Variants in XPO4 observed in about 807,000 individuals in gnomAD.
XPO4 encodes the protein exportin 4, also known as exportin-4.
In XPO4, 39 loss-of-function variants were observed where a neutral mutation model predicts 143.0. The ratio of observed to expected loss-of-function variants is 0.27; its 90% CI spans 0.21 to 0.36. The LOEUF (loss-of-function observed/expected upper bound fraction) is 0.36. XPO4 is among the 10% of genes least tolerant of loss of function. The pLI, the probability that XPO4 is intolerant of heterozygous loss-of-function variation, is 1.00. For synonymous variants in XPO4, 439 were observed against 474.0 expected (o/e 0.93, Z 0.96); for missense variants, 907 against 1,348.0 (o/e 0.67, Z 5.12).
At chr13:20,828,639 C>T (rs1259726534) in intron 6 of XPO4, among the ~76,000 whole-genome samples, 1 of 152,192 alleles carries the variant, frequency 6.6e-6, no homozygotes, top group African/African-American at 2.4e-5. Context: ...TTCTGCAACT[C>T]TATTCGACTG....
At chr13:20,878,500 A>G (rs2138153063) in intron 1 of XPO4, among the ~76,000 whole-genome samples, 1 of 152,368 alleles carries the variant, frequency 6.6e-6, no homozygotes, top group Middle Eastern at 3.4e-3. Context: ...AAGCCAGTAA[A>G]AATTGAACTA....
chr13:20,785,685 G>A (rs2059191604), intron 22 of XPO4, among the ~76,000 whole-genome samples: 3 of 150,986 alleles, frequency 2.0e-5, no homozygotes, highest in South Asian at 2.1e-4. Context: ...AAAAAAAAGC[G>A]AGATAGTAGA....
chr13:20,837,238 G>A (rs1468768741), intron 6 of XPO4, among the ~76,000 whole-genome samples: 1 of 152,146 alleles, frequency 6.6e-6, no homozygotes, highest in African/African-American at 2.4e-5. Context: ...TGTTTAGGAT[G>A]TTTAGCAGCA....
chr13:20,897,380 C>G (rs1368110322), intron 1 of XPO4, among the ~76,000 whole-genome samples: 1 of 152,134 alleles, frequency 6.6e-6, no homozygotes, highest in Non-Finnish European at 1.5e-5. Flanking sequence ...TATATCTCCA[C>G]CTGGGATATT....
intron 3 of XPO4, among the ~76,000 whole-genome samples, chr13:20,860,145 G>C (rs2060183579): frequency 6.6e-6 from 1 of 152,120 alleles, no homozygotes; most frequent in East Asian, 1.9e-4. Flanking sequence ...ATATGAGATG[G>C]GTACCAAGTC....
chr13:20,831,490 CA>C (rs2059851369), intron 6 of XPO4, among the ~76,000 whole-genome samples: 2 of 152,080 alleles, frequency 1.3e-5, no homozygotes, highest in Non-Finnish European at 1.5e-5. Flanking sequence ...ACACAAGTCA[CA>C]AAAGATTGGA....
chr13:20,831,437 A>G (rs2059850793), intron 6 of XPO4, among the ~76,000 whole-genome samples: 1 of 152,196 alleles, frequency 6.6e-6, no homozygotes, highest in South Asian at 2.1e-4. Context: ...CTGATTATTT[A>G]CTAAACTGTC....
Position 20,783,433 on chromosome 13 carries a change from GTGCCCATA to G in XPO4, c.*281_*288del. 2.5e-6 allele frequency: 1 copy of G among 397,496 alleles called. No homozygotes were observed. The allele number at this position is 397,496 out of a possible 1,614,324, so 24.6% of individuals were successfully genotyped here. Reference sequence around the variant, plus strand: ...AAAGGCACTGCATATGTATTTCGTGGTGCCCATATCTGTTTGCACATATATGGAATTTC... The same window carrying G: ...AAAGGCACTGCATATGTATTTCGTGGTCTGTTTGCACATATATGGAATTTC... On this transcript the variant is annotated 3_prime_UTR_variant, in exon 23 of 23. Transcript: ENST00000255305.
At chr13:20,881,561 C>T (rs757352340) in intron 1 of XPO4, among the ~76,000 whole-genome samples, 3 of 152,120 alleles carry the variant, frequency 2.0e-5, no homozygotes, top group Admixed American at 6.5e-5. Flanking sequence ...TGAGCCACCA[C>T]ATCCAGCCAA....
At chr13:20,891,081 C>A (rs1399937542) in intron 1 of XPO4, among the ~76,000 whole-genome samples, 1 of 142,330 alleles carries the variant, frequency 7.0e-6, no homozygotes, top group Non-Finnish European at 1.5e-5. Context: ...CAAGCCATTG[C>A]ACTCCAGCCT....
chr13:20,843,481 T>A (rs894104014), intron 5 of XPO4, among the ~76,000 whole-genome samples: 6 of 152,162 alleles, frequency 3.9e-5, no homozygotes, highest in African/African-American at 1.4e-4. Context: ...GCCAGCAGAG[T>A]CCCTTCAATT....
intron 1 of XPO4, among the ~76,000 whole-genome samples, chr13:20,879,658 T>C (rs529474040): frequency 6.6e-6 from 1 of 152,110 alleles, no homozygotes; most frequent in African/African-American, 2.4e-5. Context: ...CTCACAAATA[T>C]TGGAAATGTT....
intron 1 of XPO4, among the ~76,000 whole-genome samples, chr13:20,894,361 C>T (rs1183569992): frequency 6.6e-6 from 1 of 152,064 alleles, no homozygotes; most frequent in Non-Finnish European, 1.5e-5. Flanking sequence ...TATTTATTCA[C>T]AAGGTTATAT....
At position 20,862,840 on chromosome 13, in the gene XPO4, T is replaced by C. The variant is rs1269932843; in HGVS notation, c.194A>G (p.Tyr65Cys). The C allele has an allele frequency of 1.9e-6, 3 of 1,614,064 alleles. No homozygotes were observed. The highest frequency in any genetic ancestry group is 1.1e-5 in the South Asian group (1 of 91,076). ...GGCTGTGGCAGCTTGAAAGAGGACATAGTCCACTTTACTAGTTTCTGAGGA... is the reference window on the plus strand; with the variant it reads ...GGCTGTGGCAGCTTGAAAGAGGACACAGTCCACTTTACTAGTTTCTGAGGA... ...KHILETSKVDYVLFQAATAIM... is the reference protein window; with the variant it reads ...KHILETSKVDCVLFQAATAIM... The change falls in exon 3 of 23, where the codon TAT becomes TGT. Residue 65 changes from tyrosine to cysteine, a missense_variant. Physicochemically the swap from Tyr to Cys is radical, Grantham distance 194. Transcript: ENST00000255305.
intron 13 of XPO4, among the ~76,000 whole-genome samples, chr13:20,802,257 C>T (rs988338255): frequency 6.6e-6 from 1 of 151,992 alleles, no homozygotes; most frequent in Non-Finnish European, 1.5e-5. Context: ...AGGGTTTCGT[C>T]ATGTCACCCA....
intron 14 of XPO4, among the ~76,000 whole-genome samples, chr13:20,800,590 A>C (rs781067850): frequency 1.3e-4 from 20 of 152,226 alleles, no homozygotes; most frequent in Non-Finnish European, 2.6e-4. Flanking sequence ...ACAAAAAAGC[A>C]TAATCTATTC....
Position 20,782,328 on chromosome 13 carries a change from G to C in XPO4, c.*1394C>G, listed in dbSNP as rs374421745. ...CTCTACCTGTCACTGTGCTGTGAAA[G>C]TACTGCAATGAGTGGAGTTTCATAT... On this transcript the variant is annotated 3_prime_UTR_variant, in exon 23 of 23. Transcript: ENST00000255305. 1.3e-5 allele frequency: 2 copies of C among 152,242 alleles called. No homozygotes were observed. The highest frequency in any genetic ancestry group is 1.3e-4 in the Admixed American group (2 of 15,284). The allele number at this position is 152,242 out of a possible 1,614,324, so 9.4% of individuals were successfully genotyped here. A position where few individuals can be genotyped will look rare whatever the true frequency, so the allele number is the denominator to read the frequency against.
intron 22 of XPO4, among the ~76,000 whole-genome samples, chr13:20,785,815 G>A (rs2059193567): frequency 6.9e-6 from 1 of 144,588 alleles, no homozygotes; most frequent in South Asian, 2.4e-4. Flanking sequence ...AAGGAAGGAA[G>A]GAAGAAAGGA....
At chr13:20,830,124 G>A (rs1423557853) in intron 6 of XPO4, among the ~76,000 whole-genome samples, 4 of 152,074 alleles carry the variant, frequency 2.6e-5, no homozygotes, top group Non-Finnish European at 5.9e-5. Context: ...TCCTAATCAT[G>A]GTCTGTTTTT....
Sources: gnomAD v4.1 joint callset for allele counts (sites outside exome capture counted in the v4.1 genomes callset) on GRCh38, gnomAD v4.1.1 for gene constraint, MANE v1.5 for transcripts, NCBI Gene and HGNC (gene_info 2026-07-23, HGNC 2026-07-21) for gene names.